LSM4: variants seen among roughly 807,000 people sequenced by gnomAD.
LSM4 encodes U6 snRNA-associated Sm-like protein LSm4.
Under a neutral mutation model 22.3 loss-of-function variants are expected in LSM4, and 15 were observed. The observed-to-expected ratio is 0.67, with a 90% CI of 0.45 to 1.03. LSM4 has a LOEUF of 1.03. Ranked by LOEUF, LSM4 falls within the 50% of genes least tolerant of loss-of-function variation. The pLI is 0.00. For synonymous variants in LSM4, 90 were observed against 79.8 expected (o/e 1.13, Z -0.68); for missense variants, 127 against 198.0 (o/e 0.64, Z 2.15).
At chr19:18,312,302 C>G (rs561610585) in intron 3 of LSM4, 2 of 346,900 alleles carry the variant, frequency 5.8e-6, no homozygotes, top group African/African-American at 4.2e-5. Flanking sequence ...CTTGGGCCTC[C>G]CCTGGAGGGG....
intron 3 of LSM4, chr19:18,312,291 T>G: frequency 9.7e-6 from 3 of 310,730 alleles, no homozygotes; most frequent in South Asian, 3.7e-5. Context: ...AGTCCGGGAG[T>G]CTTGGGCCTC....
At chr19:18,322,311 G>C (rs1467830692) in intron 1 of LSM4, among the ~76,000 whole-genome samples, 4 of 152,126 alleles carry the variant, frequency 2.6e-5, no homozygotes, top group African/African-American at 9.7e-5. Flanking sequence ...TTTCCGATCT[G>C]CACAGTGGGG....
chr19:18,316,649 A>G (rs764795884), intron 1 of LSM4, among the ~76,000 whole-genome samples: 8 of 151,850 alleles, frequency 5.3e-5, no homozygotes, highest in Non-Finnish European at 7.4e-5. Flanking sequence ...TGCCTGCCCT[A>G]ATGCTTGTAT....
At chr19:18,322,117 G>C (rs773907360) in intron 1 of LSM4, among the ~76,000 whole-genome samples, 1 of 152,188 alleles carries the variant, frequency 6.6e-6, no homozygotes, top group Non-Finnish European at 1.5e-5. Context: ...GCCGGATTTA[G>C]GGAGAGTTCT....
chr19:18,316,356 T>G, intron 1 of LSM4: 1 of 259,880 alleles, frequency 3.8e-6, no homozygotes. Context: ...TTTTTTTTTT[T>G]TTTGAGACGG....
At chr19:18,320,323 C>T (rs1025207418) in intron 1 of LSM4, among the ~76,000 whole-genome samples, 2 of 152,082 alleles carry the variant, frequency 1.3e-5, no homozygotes, top group African/African-American at 4.8e-5. Context: ...GCTTGGGCAA[C>T]ACAAAAGATT....
intron 1 of LSM4, among the ~76,000 whole-genome samples, chr19:18,320,471 C>T (rs575250842): frequency 2.0e-5 from 3 of 151,692 alleles, no homozygotes; most frequent in African/African-American, 7.3e-5. Context: ...CCACTGCACT[C>T]CAGCCTGGAT....
chr19:18,322,164 G>A (rs571928100), intron 1 of LSM4, among the ~76,000 whole-genome samples: 15 of 152,268 alleles, frequency 9.9e-5, no homozygotes, highest in African/African-American at 3.6e-4. Flanking sequence ...ACCCCTGGGG[G>A]ACCCTCCTGG....
Position 18,323,056 on chromosome 19 carries a change from G to A in LSM4, c.-36C>T, listed in dbSNP as rs1396769285. On this transcript the variant is annotated 5_prime_UTR_variant, in exon 1 of 5. Coordinates refer to ENST00000593829, the MANE Select transcript of LSM4 (RefSeq NM_012321.5). ...GGGACCGGGCTCGCCGGCCACTTCC[G>A]CCGCCGCCGCTGCACACGCTCCCGG... 3 of 1,512,012 alleles carry A rather than the reference G, an allele frequency of 2.0e-6. No homozygotes were observed. Among genetic ancestry groups the A allele is most frequent in the Admixed American group, 2.1e-5 (1 of 46,654 alleles). 93.7% of individuals were successfully genotyped at this position (1,512,012 alleles called of 1,614,324 possible). A position where few individuals can be genotyped will look rare whatever the true frequency, so the allele number is the denominator to read the frequency against.
intron 4 of LSM4, 43 bp downstream of exon 4, chr19:18,309,635 G>A (rs1970275229): frequency 6.5e-7 from 1 of 1,535,246 alleles, no homozygotes; most frequent in East Asian, 2.3e-5. Flanking sequence ...ACGTGTGGCT[G>A]TCTTCCCGCC....
At chr19:18,308,809 C>A (rs1439175016) in intron 4 of LSM4, among the ~76,000 whole-genome samples, 1 of 152,208 alleles carries the variant, frequency 6.6e-6, no homozygotes, top group East Asian at 1.9e-4. Flanking sequence ...ACCAACCTCC[C>A]CTCTCACCAG....
chr19:18,307,439 C>T lies in LSM4; in HGVS notation c.*25G>A, dbSNP rs369501194. On this transcript the variant is annotated 3_prime_UTR_variant, in exon 5 of 5. Transcript: ENST00000593829. ...GAATCGCCACCCTGGCAGGAGGGGG[C>T]GCAGCAGCCGGTCTGGGTGGGCGCT... 1.1e-5 allele frequency: 17 copies of T among 1,490,314 alleles called. No homozygotes were observed. Among genetic ancestry groups the T allele is most frequent in the Admixed American group, 2.3e-5 (1 of 44,144 alleles). The allele number at this position is 1,490,314 out of a possible 1,614,324, so 92.3% of individuals were successfully genotyped here. A position where few individuals can be genotyped will look rare whatever the true frequency, so the allele number is the denominator to read the frequency against.
chr19:18,318,885 G>C (rs182753040), intron 1 of LSM4, among the ~76,000 whole-genome samples: 2 of 152,332 alleles, frequency 1.3e-5, no homozygotes, highest in African/African-American at 4.8e-5. Flanking sequence ...GAGGACCCAC[G>C]GCCTCCTTGC....
chr19:18,316,164 T>G (rs763726479), intron 1 of LSM4, 99 bp from the exon 2 acceptor site: 4 of 1,088,438 alleles, frequency 3.7e-6, no homozygotes, highest in Non-Finnish European at 5.5e-6. Flanking sequence ...TGCGGTGCGG[T>G]TGAGGGGGCA....
rs1028020249 is a variant in LSM4, at chr19:18,323,067, T to C, written c.-47A>G. ...CGCCGGCCACTTCCGCCGCCGCCGC[T>C]GCACACGCTCCCGGCGGTCGTCGCC... On this transcript the variant is annotated 5_prime_UTR_variant, in exon 1 of 5. Coordinates refer to ENST00000593829, the MANE Select transcript of LSM4 (RefSeq NM_012321.5). 10 of 1,492,058 alleles carry C rather than the reference T, an allele frequency of 6.7e-6. No individual in the cohort carries two copies. The highest frequency in any genetic ancestry group is 8.9e-6 in the Non-Finnish European group (10 of 1,127,780). The allele number at this position is 1,492,058 out of a possible 1,614,324, so 92.4% of individuals were successfully genotyped here.
In LSM4 at chr19:18,318,534, G is replaced by A. The variant is rs555241587; in HGVS notation, c.4-2469C>T. ...AGAGAAAACACAGGAGCCACAGACTGGCACACGGGTCTCATGCCCAGGTCG... is the reference window on the plus strand; with the variant it reads ...AGAGAAAACACAGGAGCCACAGACTAGCACACGGGTCTCATGCCCAGGTCG... On this transcript the variant is annotated intron_variant, in intron 1 of 4. Coordinates refer to ENST00000593829, the MANE Select transcript of LSM4 (RefSeq NM_012321.5). Among the ~76,000 whole-genome samples the A allele has an allele frequency of 3.9e-5, 6 of 152,378 alleles. No homozygotes were observed. In the South Asian group the frequency reaches 1.2e-3, roughly 32 times the overall value.
At chr19:18,316,337 A>ATTT (rs35435536) in intron 1 of LSM4, 236 of 123,210 alleles carry the variant, frequency 1.9e-3, no homozygotes, top group South Asian at 3.6e-3. Context: ...ACTCTGGTCA[A>ATTT]TTTTTTTTTT....
intron 2 of LSM4, among the ~76,000 whole-genome samples, chr19:18,315,430 C>T (rs545654194): frequency 1.3e-5 from 2 of 152,208 alleles, no homozygotes; most frequent in South Asian, 4.2e-4. Context: ...GAATTATAGG[C>T]CTGAGCCACC....
intron 3 of LSM4, among the ~76,000 whole-genome samples, chr19:18,310,466 G>A (rs538401390): frequency 6.6e-6 from 1 of 152,300 alleles, no homozygotes; most frequent in South Asian, 2.1e-4. Flanking sequence ...TGCCAGGGTG[G>A]CTCAAGGGCG....
Sources: allele counts gnomAD v4.1 joint callset (sites outside exome capture counted in the v4.1 genomes callset), GRCh38; gene constraint gnomAD v4.1.1; transcripts MANE v1.5; gene names NCBI Gene and HGNC (gene_info 2026-07-23, HGNC 2026-07-21).